Variants in EFHB observed in about 807,000 individuals in gnomAD.
EFHB encodes the protein EF-hand domain family member B, also known as EF-hand domain-containing family member B.
A neutral mutation model predicts 87.2 loss-of-function variants in EFHB; 91 were observed. The observed-to-expected ratio is 1.04, with a 90% CI of 0.88 to 1.24. EFHB has a LOEUF of 1.24. Among genes scored for constraint, EFHB ranks in the 50% most tolerant of loss-of-function variants. The probability of loss-of-function intolerance (pLI) is 0.00; values close to 1 mark genes in which losing one functional copy is unlikely to be tolerated. For synonymous variants in EFHB, 325 were observed against 333.6 expected (o/e 0.97, Z 0.28); for missense variants, 1,084 against 998.8 (o/e 1.09, Z -1.15).
At chr3:19,914,483 T>C (rs1695159921) in intron 5 of EFHB, among the ~76,000 whole-genome samples, 1 of 152,120 alleles carries the variant, frequency 6.6e-6, no homozygotes, top group Non-Finnish European at 1.5e-5. Context: ...AATTGTGCTA[T>C]GGAATAATTC....
intron 3 of EFHB, among the ~76,000 whole-genome samples, chr3:19,919,132 C>T (rs943317238): frequency 8.5e-5 from 13 of 152,140 alleles, no homozygotes; most frequent in African/African-American, 3.1e-4. Flanking sequence ...GACTCCACCT[C>T]TACTCAATGT....
chr3:19,923,984 C>A (rs1695527718), intron 1 of EFHB, among the ~76,000 whole-genome samples: 1 of 152,132 alleles, frequency 6.6e-6, no homozygotes, highest in African/African-American at 2.4e-5. Context: ...ATCATCCCAG[C>A]ACTTTGGGAG....
intron 9 of EFHB, chr3:19,894,579 TAA>T (rs2125126458): frequency 6.6e-6 from 1 of 152,308 alleles, no homozygotes; most frequent in South Asian, 2.1e-4. Context: ...ATATAAGATT[TAA>T]ATAATCAAAA....
intron 1 of EFHB, among the ~76,000 whole-genome samples, chr3:19,939,370 C>CTTTTTTTTTTTTTTTTTT (rs147510880): frequency 3.1e-5 from 2 of 64,582 alleles, no homozygotes; most frequent in African/African-American, 1.3e-4. Flanking sequence ...GTTGGGTCTC[C>CTTTTTTTTTTTTTTTTTT]TTTTTTTTTT....
intron 5 of EFHB, among the ~76,000 whole-genome samples, chr3:19,911,073 G>C (rs1433735850): frequency 6.6e-6 from 1 of 152,108 alleles, no homozygotes; most frequent in Non-Finnish European, 1.5e-5. Flanking sequence ...GCACCATCTA[G>C]GAAAATATGA....
chr3:19,939,578 G>A (rs1696108704), intron 1 of EFHB, among the ~76,000 whole-genome samples: 1 of 151,606 alleles, frequency 6.6e-6, no homozygotes, highest in South Asian at 2.1e-4. Flanking sequence ...TAGCGATGGG[G>A]TTTCACCGTG....
upstream of EFHB, chr3:19,934,287 C>T: frequency 2.2e-6 from 3 of 1,358,132 alleles, no homozygotes; most frequent in South Asian, 3.6e-5. Context: ...GATCCCTGCC[C>T]ATCTCTCATT....
At position 19,884,591 on chromosome 3, in the gene EFHB, G is replaced by A; in HGVS notation, c.1958C>T (p.Pro653Leu). The change falls in exon 11 of 13, where the codon CCT (proline) becomes CTT (leucine). Residue 653 changes from proline to leucine, a missense_variant. By Grantham distance (98) the Pro-to-Leu change is moderately conservative. Transcript: ENST00000295824. ...IKGRKPDCVN[P>L]TEANVEEPEQ... ...AGGTTCTTCAACATTAGCCTCAGTAGGGTTTACACAATCTGGTTTTCTACC... is the reference window on the plus strand; with the variant it reads ...AGGTTCTTCAACATTAGCCTCAGTAAGGTTTACACAATCTGGTTTTCTACC... 3 of 1,612,938 alleles carry A rather than the reference G, an allele frequency of 1.9e-6. No homozygotes were observed. The highest frequency in any genetic ancestry group is 2.5e-6 in the Non-Finnish European group (3 of 1,179,672).
At chr3:19,909,328 C>T (rs1225410435) in intron 5 of EFHB, among the ~76,000 whole-genome samples, 1 of 152,008 alleles carries the variant, frequency 6.6e-6, no homozygotes, top group Non-Finnish European at 1.5e-5. Flanking sequence ...GAAAACTGAA[C>T]CAAACTCAGC....
chr3:19,896,880 GTCTT>G, intron 8 of EFHB, 39 bp from the exon 9 acceptor site: 2 of 1,507,382 alleles, frequency 1.3e-6, no homozygotes, highest in Non-Finnish European at 1.8e-6. Flanking sequence ...TAAATTTAAA[GTCTT>G]TCTATATTAT....
chr3:19,909,921 T>A (rs1367444665), intron 5 of EFHB, among the ~76,000 whole-genome samples: 1 of 152,078 alleles, frequency 6.6e-6, no homozygotes, highest in Non-Finnish European at 1.5e-5. Context: ...GAAGAGCTCT[T>A]GGGCCCTGAA....
chr3:19,918,996 A>AAG (rs1461951684), intron 3 of EFHB, among the ~76,000 whole-genome samples: 4 of 151,486 alleles, frequency 2.6e-5, no homozygotes, highest in Non-Finnish European at 5.9e-5. Flanking sequence ...AAAAAAAAAA[A>AAG]AAGAAGAAAA....
In EFHB at chr3:19,882,616, A is replaced by G; in HGVS notation, c.2262T>C (p.Tyr754=). 1 of 1,613,180 alleles carries G rather than the reference A, an allele frequency of 6.2e-7. No individual in the cohort carries two copies. Among genetic ancestry groups the G allele is most frequent in the African/African-American group, 1.3e-5 (1 of 75,054 alleles). ...GEEGSAYSLL[Y]PTIFARKGVF... ...CTCCTTTCCGGGCAAAAATGGTAGG[A>G]TATAGTAGTGAATATGCACTACCTT... The change falls in exon 12 of 13, where the codon TAT becomes TAC. Residue 754 remains tyrosine (Y), a synonymous_variant. Coordinates refer to ENST00000295824, the MANE Select transcript of EFHB (RefSeq NM_144715.4).
intron 1 of EFHB, among the ~76,000 whole-genome samples, chr3:19,945,348 T>A (rs186585006): frequency 6.1e-4 from 93 of 152,134 alleles, no homozygotes; most frequent in Admixed American, 2.4e-3. Flanking sequence ...TTTAGTAGAG[T>A]GGCTAAAATG....
intron 5 of EFHB, among the ~76,000 whole-genome samples, chr3:19,913,687 T>A (rs953051417): frequency 2.6e-5 from 4 of 152,106 alleles, no homozygotes; most frequent in South Asian, 2.1e-4. Flanking sequence ...ACAAATATTT[T>A]AAAAAATCCT....
At chr3:19,880,254 A>ATTTT (rs2071640608) in intron 12 of EFHB, among the ~76,000 whole-genome samples, 1 of 133,884 alleles carries the variant, frequency 7.5e-6, no homozygotes, top group Admixed American at 7.3e-5. Flanking sequence ...TTATTTATTT[A>ATTTT]TTTATTTATT....
intron 1 of EFHB, among the ~76,000 whole-genome samples, chr3:19,928,308 G>A (rs1254841343): frequency 6.6e-6 from 1 of 152,168 alleles, no homozygotes; most frequent in Non-Finnish European, 1.5e-5. Flanking sequence ...AGATTGTTTA[G>A]TCCTGATTTT....
rs1019324531 is a variant in EFHB, at chr3:19,940,466, G to A, written c.-31-4132C>T. The A allele has an allele frequency of 3.0e-5, 15 of 493,436 alleles. No individual in the cohort carries two copies. In the East Asian group the frequency reaches 3.4e-4, roughly 11 times the overall value. The allele number at this position is 493,436 out of a possible 1,614,324, so 30.6% of individuals were successfully genotyped here. ...TCTATCCAGTTAATAATTTCATTAC[G>A]CCTGACAAGAATCTTCTGTTTGTCT... On this transcript the variant is annotated intron_variant, in intron 1 of 14. Transcript: ENST00000344838.
chr3:19,908,592 GAGAGAGAGAAAGAAAGAA>G lies in EFHB; in HGVS notation c.1289-2861_1289-2844del, dbSNP rs1385540388. ...AGAGAGAGAGAGAGAGAGAGAGAGA[GAGAGAGAGAAAGAAAGAA>G]AGAAAGAAAGAAAGAAAGAAAGAAA... On this transcript the variant is annotated intron_variant, in intron 5 of 12. Coordinates refer to ENST00000295824, the MANE Select transcript of EFHB (RefSeq NM_144715.4). 2.4e-4 allele frequency among the ~76,000 whole-genome samples: 26 copies of G among 109,400 alleles called. No individual in the cohort carries two copies. The South Asian group carries it at 4.7e-3, about 20-fold the overall frequency. 71.8% of individuals were successfully genotyped at this position (109,400 alleles called of 152,430 possible). A position where few individuals can be genotyped will look rare whatever the true frequency, so the allele number is the denominator to read the frequency against.
Sources: gnomAD v4.1 joint callset for allele counts (sites outside exome capture counted in the v4.1 genomes callset) on GRCh38, gnomAD v4.1.1 for gene constraint, MANE v1.5 for transcripts, NCBI Gene and HGNC (gene_info 2026-07-23, HGNC 2026-07-21) for gene names.